The following PPFIBP1 variants were observed in gnomAD, a reference collection of about 807,000 sequenced individuals.
PPFIBP1 encodes the protein PPFIB scaffold protein 1, also known as liprin-beta-1.
Under a neutral mutation model 137.8 loss-of-function variants are expected in PPFIBP1, and 112 were observed. The observed-to-expected ratio is 0.81, with a 90% confidence interval of 0.70 to 0.95. PPFIBP1 has a LOEUF of 0.95. Ranked by LOEUF, PPFIBP1 falls within the 40% of genes least tolerant of loss-of-function variation. PPFIBP1 has a pLI of 0.00. For missense variants in PPFIBP1, 1,083 were observed against 1,196.6 expected (o/e 0.91, Z 1.40); for synonymous variants, 378 against 417.3 (o/e 0.91, Z 1.15).
chr12:27,652,753 G>A (rs1299488107), intron 7 of PPFIBP1, among the ~76,000 whole-genome samples: 1 of 151,978 alleles, frequency 6.6e-6, no homozygotes, highest in Non-Finnish European at 1.5e-5. Flanking sequence ...AGAATTCAAT[G>A]GTATTTCTTA....
At position 27,640,116 on chromosome 12, in the gene PPFIBP1, T is replaced by TC. The variant is rs377280356; in HGVS notation, c.270+5004dup. 7.0e-4 allele frequency among the ~76,000 whole-genome samples: 107 copies of TC among 152,260 alleles called. 1 individual carries two copies. Among genetic ancestry groups the TC allele is most frequent in the African/African-American group, 2.5e-3 (102 of 41,544 alleles). ...TTTTCCCCTTAGTCTTCAAGTAAAC[T>TC]CCCACAGAAAGTGTTCACAGACACA... On this transcript the variant is annotated intron_variant, in intron 4 of 29. Coordinates refer to ENST00000228425, the MANE Select transcript of PPFIBP1 (RefSeq NM_003622.4).
chr12:27,686,398 A>G (rs2061203820), intron 24 of PPFIBP1, among the ~76,000 whole-genome samples: 1 of 152,160 alleles, frequency 6.6e-6, no homozygotes, highest in Admixed American at 6.5e-5. Context: ...TTCTGAAATA[A>G]TTTGTTTTGG....
chr12:27,569,856 G>C (rs1476276587), intron 1 of PPFIBP1, among the ~76,000 whole-genome samples: 1 of 152,158 alleles, frequency 6.6e-6, no homozygotes, highest in Non-Finnish European at 1.5e-5. Flanking sequence ...ACCGCGTCCA[G>C]CCTACATTTT....
rs778482222 is a variant in PPFIBP1, at chr12:27,688,363, C to T, written c.2436C>T (p.Ser812=). ...TNHRVMEWLR[S]VDLAEYAPNL... ...ATCGAGTGATGGAGTGGCTGCGCTC[C>T]GTGGACTTGGCAGAATATGCGCCCA... The change falls in exon 26 of 30, where the codon TCC becomes TCT. Residue 812 remains serine (S), a synonymous_variant. Coordinates refer to ENST00000228425, the MANE Select transcript of PPFIBP1 (RefSeq NM_003622.4). 1.5e-5 allele frequency: 25 copies of T among 1,613,976 alleles called. No individual in the cohort carries two copies. In the Admixed American group the frequency reaches 2.0e-4, roughly 13 times the overall value.
intron 4 of PPFIBP1, among the ~76,000 whole-genome samples, chr12:27,644,027 A>G (rs192537138): frequency 1.3e-5 from 2 of 151,188 alleles, no homozygotes; most frequent in East Asian, 3.9e-4. Flanking sequence ...TTGGGAGGAA[A>G]CATTGCTCTC....
chr12:27,658,912 T>C, intron 10 of PPFIBP1, 64 bp downstream of exon 10: 6 of 1,475,296 alleles, frequency 4.1e-6, no homozygotes, highest in Non-Finnish European at 5.6e-6. Flanking sequence ...GGACTGTTCT[T>C]TGCATGTGTT....
chr12:27,665,894 A>C (rs1343270890), intron 12 of PPFIBP1, among the ~76,000 whole-genome samples: 1 of 152,228 alleles, frequency 6.6e-6, no homozygotes, highest in African/African-American at 2.4e-5. Flanking sequence ...TTGACTAGCA[A>C]TTCTCATCAC....
At chr12:27,590,879 T>G (rs887180162) in intron 2 of PPFIBP1, among the ~76,000 whole-genome samples, 2 of 152,022 alleles carry the variant, frequency 1.3e-5, no homozygotes, top group African/African-American at 4.8e-5. Flanking sequence ...CATGCCAAGT[T>G]TGGGTAGGAG....
chr12:27,606,463 A>T (rs1035846015), intron 2 of PPFIBP1, among the ~76,000 whole-genome samples: 1 of 152,214 alleles, frequency 6.6e-6, no homozygotes, highest in Non-Finnish European at 1.5e-5. Context: ...ATTGTTTGCC[A>T]TTTGATAGCT....
At chr12:27,626,573 C>CTT (rs373122635) in intron 2 of PPFIBP1, among the ~76,000 whole-genome samples, 1 of 146,320 alleles carries the variant, frequency 6.8e-6, no homozygotes, top group African/African-American at 2.5e-5. Context: ...ATTTGCATTT[C>CTT]TTTTTTTTTT....
At position 27,667,233 on chromosome 12, in the gene PPFIBP1, T is replaced by G. The variant is rs765158655; in HGVS notation, c.1059T>G (p.Gly353=). The G allele has an allele frequency of 3.1e-6, 5 of 1,613,626 alleles. No homozygotes were observed. The African/African-American group carries it at 6.7e-5, about 22-fold the overall frequency. Residue 353 remains glycine, a synonymous_variant, in exon 13 of 30, where the codon GGT becomes GGG. Transcript: ENST00000228425. ...TCTCCTCTTTGCTGGATGCACAGGG[T>G]TTCAGTGATCTGGAGAAAAGTCCAT... ...SSISSLLDAQ[G]FSDLEKSPSP... is the part of the protein sequence containing the mutation.
chr12:27,578,573 C>T (rs1363878487), intron 2 of PPFIBP1, among the ~76,000 whole-genome samples: 1 of 151,566 alleles, frequency 6.6e-6, no homozygotes, highest in African/African-American at 2.4e-5. Context: ...CTTCACCTCA[C>T]AGACCATTTC....
intron 1 of PPFIBP1, among the ~76,000 whole-genome samples, chr12:27,537,700 G>A (rs1945204427): frequency 6.6e-6 from 1 of 151,980 alleles, no homozygotes; most frequent in Non-Finnish European, 1.5e-5. Context: ...TTTAAAAAGA[G>A]GTCTGGCCAC....
At chr12:27,620,144 C>T (rs1592909439) in intron 2 of PPFIBP1, among the ~76,000 whole-genome samples, 1 of 152,138 alleles carries the variant, frequency 6.6e-6, no homozygotes, top group Admixed American at 6.6e-5. Flanking sequence ...ACCTCTGTCA[C>T]CCCTGCAGTG....
intron 1 of PPFIBP1, among the ~76,000 whole-genome samples, chr12:27,569,927 C>G (rs1343270825): frequency 1.3e-5 from 2 of 152,154 alleles, no homozygotes; most frequent in Non-Finnish European, 2.9e-5. Context: ...GCATTATAGC[C>G]TTGATAATTT....
intron 1 of PPFIBP1, among the ~76,000 whole-genome samples, 179 bp downstream of exon 1, chr12:27,524,544 A>T (rs1178731465): frequency 6.6e-6 from 1 of 150,994 alleles, no homozygotes; most frequent in Non-Finnish European, 1.5e-5. Flanking sequence ...GTAGGGCTTA[A>T]CTCCTGGGGC....
Position 27,627,542 on chromosome 12 carries a change from A to T in PPFIBP1, c.-35-5820A>T, listed in dbSNP as rs112203173. Among the ~76,000 whole-genome samples the T allele has an allele frequency of 7.8e-4, 119 of 152,332 alleles. 1 individual carries two copies. The highest frequency in any genetic ancestry group is 2.6e-3 in the African/African-American group (107 of 41,576). On this transcript the variant is annotated intron_variant, in intron 2 of 29. Coordinates refer to ENST00000228425, the MANE Select transcript of PPFIBP1 (RefSeq NM_003622.4). ...AGCATTTTACCTAAAGAAAGCTGAG[A>T]AAGCTAGGACAAATGTTATTCTCAC...
intron 1 of PPFIBP1, among the ~76,000 whole-genome samples, chr12:27,536,746 C>T (rs547635076): frequency 4.3e-4 from 65 of 152,296 alleles, no homozygotes; most frequent in African/African-American, 1.5e-3. Context: ...ACTTACAAAA[C>T]GCAAATTCAA....
Position 27,682,367 on chromosome 12 carries a change from G to T in PPFIBP1, c.2047-20G>T, listed in dbSNP as rs1420707774. 6.5e-7 allele frequency: 1 copy of T among 1,549,640 alleles called. No individual in the cohort carries two copies. The highest frequency in any genetic ancestry group is 1.4e-5 in the African/African-American group (1 of 73,578). ...CAGCCTATACAGATAGAATTATAAA[G>T]TCAATGTTTATTGTTTCAGGAACTT... On this transcript the variant is annotated intron_variant, in intron 22 of 29. Coordinates refer to ENST00000228425, the MANE Select transcript of PPFIBP1 (RefSeq NM_003622.4).
Sources: allele counts gnomAD v4.1 joint callset (sites outside exome capture counted in the v4.1 genomes callset), GRCh38; gene constraint gnomAD v4.1.1; transcripts MANE v1.5; gene names NCBI Gene and HGNC (gene_info 2026-07-23, HGNC 2026-07-21).